The following DOK5 variants were observed in gnomAD, a reference collection of about 807,000 sequenced individuals.
DOK5 encodes downstream of tyrosine kinase 5.
A neutral mutation model predicts 43.3 loss-of-function variants in DOK5; 27 were observed. The observed-to-expected ratio is 0.62, with a 90% CI of 0.46 to 0.86. The LOEUF (loss-of-function observed/expected upper bound fraction) is 0.86. Ranked by LOEUF, DOK5 falls within the 40% of genes least tolerant of loss-of-function variation. The pLI, the probability that DOK5 is intolerant of heterozygous loss-of-function variation, is 0.00. For missense variants in DOK5, 373 were observed against 392.9 expected, an observed-to-expected ratio of 0.95 and a Z score of 0.43; for synonymous variants, 146 against 140.1, an observed-to-expected ratio of 1.04 and a Z score of -0.30.
At chr20:54,593,978 A>G (rs6014075) in intron 5 of DOK5, among the ~76,000 whole-genome samples, 27,923 of 151,978 alleles carry the variant, frequency 0.18, 4,988 homozygotes, top group African/African-American at 0.47. Flanking sequence ...GGAACAACAC[A>G]TATGGGGCCT....
chr20:54,586,229 G>A (rs775323713), intron 2 of DOK5, among the ~76,000 whole-genome samples: 1 of 152,212 alleles, frequency 6.6e-6, no homozygotes, highest in Non-Finnish European at 1.5e-5. Flanking sequence ...GGCAACTCAA[G>A]TCTAGCTGGG....
chr20:54,515,815 C>T (rs142180090), intron 1 of DOK5, among the ~76,000 whole-genome samples: 1,635 of 152,282 alleles, frequency 0.011, 12 homozygotes, highest in Non-Finnish European at 0.016. Context: ...ATGCTAGCTA[C>T]CCAGAAACGT....
chr20:54,493,673 A>T (rs888188465), intron 1 of DOK5, among the ~76,000 whole-genome samples: 1 of 152,188 alleles, frequency 6.6e-6, no homozygotes, highest in Non-Finnish European at 1.5e-5. Context: ...GCGGTGGCTC[A>T]GTCCTGTAAT....
chr20:54,526,469 A>G (rs1983579886), intron 1 of DOK5, among the ~76,000 whole-genome samples: 1 of 152,238 alleles, frequency 6.6e-6, no homozygotes, highest in Admixed American at 6.5e-5. Context: ...GGAAGCTGAC[A>G]AGTCTGATGT....
At chr20:54,622,416 C>T (rs751173803) in intron 6 of DOK5, among the ~76,000 whole-genome samples, 3 of 152,096 alleles carry the variant, frequency 2.0e-5, no homozygotes, top group South Asian at 2.1e-4. Flanking sequence ...CTTATAACAA[C>T]GTAATAACTT....
At chr20:54,547,103 T>C (rs919985256) in intron 1 of DOK5, among the ~76,000 whole-genome samples, 5 of 152,164 alleles carry the variant, frequency 3.3e-5, no homozygotes, top group Non-Finnish European at 7.3e-5. Context: ...CAAACTATGG[T>C]CCACAGGCCA....
In DOK5 at chr20:54,526,799, C is replaced by CT. The variant is rs550841480; in HGVS notation, c.67-28127dup. On this transcript the variant is annotated intron_variant, in intron 1 of 7. Coordinates refer to ENST00000262593, the MANE Select transcript of DOK5 (RefSeq NM_018431.5). Reference sequence around the variant, plus strand: ...GGGCTGTCTGTTTTCGAAAAGCAGTCTTTTTTTCCCTTTCTGAATACCAGA... The same window carrying CT: ...GGGCTGTCTGTTTTCGAAAAGCAGTCTTTTTTTTCCCTTTCTGAATACCAGA... 1.1e-3 allele frequency among the ~76,000 whole-genome samples: 167 copies of CT among 152,148 alleles called. 1 individual carries two copies. The highest frequency in any genetic ancestry group is 3.9e-3 in the African/African-American group (160 of 41,514).
intron 5 of DOK5, among the ~76,000 whole-genome samples, chr20:54,603,940 ATTTTTTT>A (rs35690531): frequency 1.0e-4 from 8 of 76,274 alleles, no homozygotes; most frequent in Non-Finnish European, 1.7e-4. Context: ...TTCAAACTGT[ATTTTTTT>A]TTTTTTTTTT....
At chr20:54,570,160 A>T (rs903087383) in intron 2 of DOK5, among the ~76,000 whole-genome samples, 1 of 152,314 alleles carries the variant, frequency 6.6e-6, no homozygotes, top group East Asian at 1.9e-4. Context: ...ATTATACAAC[A>T]TCTTTTGGAA....
chr20:54,529,987 T>C (rs1983714013), intron 1 of DOK5, among the ~76,000 whole-genome samples: 1 of 152,220 alleles, frequency 6.6e-6, no homozygotes. Flanking sequence ...TACATTTGGG[T>C]TTGTTAAATT....
intron 2 of DOK5, among the ~76,000 whole-genome samples, chr20:54,560,363 A>G (rs1221339258): frequency 6.6e-6 from 1 of 152,202 alleles, no homozygotes; most frequent in Non-Finnish European, 1.5e-5. Flanking sequence ...GCCAAAGAGG[A>G]CATGACTCTT....
At chr20:54,508,910 T>C (rs964709197) in intron 1 of DOK5, among the ~76,000 whole-genome samples, 4 of 151,750 alleles carry the variant, frequency 2.6e-5, no homozygotes, top group African/African-American at 9.7e-5. Flanking sequence ...AGAGTCTCGC[T>C]GTCTCACCCA....
chr20:54,647,850 T>C (rs1285703605), intron 7 of DOK5, among the ~76,000 whole-genome samples: 1 of 152,176 alleles, frequency 6.6e-6, no homozygotes, highest in Admixed American at 6.5e-5. Context: ...GCACATCTAT[T>C]TGGACATGAA....
intron 5 of DOK5, among the ~76,000 whole-genome samples, chr20:54,600,733 C>G (rs1986276816): frequency 2.0e-5 from 3 of 152,158 alleles, no homozygotes; most frequent in Admixed American, 2.0e-4. Context: ...ATCTCAGTCT[C>G]CAGGCTGACT....
chr20:54,580,388 A>G (rs1278785821), intron 2 of DOK5, among the ~76,000 whole-genome samples: 2 of 151,672 alleles, frequency 1.3e-5, no homozygotes, highest in Admixed American at 6.6e-5. Context: ...TGAATCATAT[A>G]GTAGTTCTGT....
intron 6 of DOK5, among the ~76,000 whole-genome samples, chr20:54,618,495 C>A (rs1445220264): frequency 6.6e-6 from 1 of 152,080 alleles, no homozygotes; most frequent in Non-Finnish European, 1.5e-5. Flanking sequence ...AGGCACCTGC[C>A]AGCACGCCTG....
chr20:54,561,445 C>T (rs1984901843), intron 2 of DOK5, among the ~76,000 whole-genome samples: 1 of 152,168 alleles, frequency 6.6e-6, no homozygotes, highest in Non-Finnish European at 1.5e-5. Context: ...TTGTTCTTTC[C>T]TACTGATTCG....
intron 2 of DOK5, among the ~76,000 whole-genome samples, chr20:54,586,870 G>A (rs1985818740): frequency 6.6e-6 from 1 of 152,008 alleles, no homozygotes; most frequent in South Asian, 2.1e-4. Context: ...GGTATAGAGA[G>A]GACAGTGGTG....
At chr20:54,590,921 G>C (rs911329995) in intron 4 of DOK5, among the ~76,000 whole-genome samples, 1 of 152,170 alleles carries the variant, frequency 6.6e-6, no homozygotes, top group Non-Finnish European at 1.5e-5. Context: ...TATCTGCAGG[G>C]ATGAAAATTA....
Sources: allele counts gnomAD v4.1 joint callset (sites outside exome capture counted in the v4.1 genomes callset), GRCh38; gene constraint gnomAD v4.1.1; transcripts MANE v1.5; gene names NCBI Gene and HGNC (gene_info 2026-07-23, HGNC 2026-07-21).